The following SBNO2 variants were observed in gnomAD, a reference collection of about 807,000 sequenced individuals.
SBNO2 encodes protein strawberry notch homolog 2.
Under a neutral mutation model 146.3 loss-of-function variants are expected in SBNO2, and 89 were observed. The observed-to-expected ratio is 0.61, with a 90% CI of 0.51 to 0.73. SBNO2 has a LOEUF of 0.73. Among genes scored for constraint, SBNO2 ranks in the 30% least tolerant of loss-of-function variants. SBNO2 has a pLI of 0.00. For synonymous variants in SBNO2, 1,147 were observed against 892.6 expected (o/e 1.29, Z -5.08); for missense variants, 2,092 against 2,003.7 (o/e 1.04, Z -0.84).
intron 3 of SBNO2, among the ~76,000 whole-genome samples, chr19:1,149,111 C>A (rs2080219396): frequency 1.4e-5 from 2 of 138,136 alleles, no homozygotes; most frequent in Admixed American, 1.5e-4. Context: ...GGCCCATAGC[C>A]CACACCTCCC....
chr19:1,109,636 G>T lies in SBNO2; in HGVS notation c.3124-38C>A. 5 of 1,572,338 alleles carry T rather than the reference G, an allele frequency of 3.2e-6. No homozygotes were observed. Among genetic ancestry groups the T allele is most frequent in the Non-Finnish European group, 3.5e-6 (4 of 1,156,352 alleles). The stretch of plus-strand genomic sequence containing the variant: ...GGGGTGGGGGGGTGTGAGTGTGGTG[G>T]GGGCGGGGTGGGCAGAGTGTGAGGG... On this transcript the variant is annotated intron_variant, in intron 27 of 31. Transcript: ENST00000361757. The surrounding 1 kb of genome is among the most constrained non-coding windows in gnomAD (Gnocchi z 4.2).
Position 1,122,723 on chromosome 19 carries a change from GC to G in SBNO2, c.848del (p.Gly283AlafsTer73). 6.5e-7 allele frequency: 1 copy of G among 1,536,862 alleles called. No individual in the cohort carries two copies. On this transcript the variant is annotated frameshift_variant, in exon 9 of 32. Transcript: ENST00000361757. LOFTEE classifies it high-confidence loss of function. The stretch of plus-strand genomic sequence containing the variant: ...TGACTCCGGCCACCGTCCGGCCTTT[GC>G]CCACGCCGGCCCCATCGCCGATGAG... ...GFLIGDGAGV[G>X]KGRTVAGVIL...
intron 16 of SBNO2, 130 bp downstream of exon 16, chr19:1,116,699 G>T (rs1414943253): frequency 1.4e-6 from 1 of 718,340 alleles, no homozygotes; most frequent in Non-Finnish European, 2.2e-6. Flanking sequence ...GAGGCTGGGG[G>T]CCCAGCAAAG....
intron 13 of SBNO2, among the ~76,000 whole-genome samples, 173 bp downstream of exon 13, chr19:1,119,343 G>A (rs150323991): frequency 0.012 from 1,857 of 152,316 alleles, 16 homozygotes; most frequent in Middle Eastern, 0.024. Flanking sequence ...CTGCGGAGGG[G>A]CTGGCTTCCC....
At chr19:1,146,791 G>C (rs1244395882) in intron 4 of SBNO2, among the ~76,000 whole-genome samples, 1 of 136,226 alleles carries the variant, frequency 7.3e-6, no homozygotes, top group Non-Finnish European at 1.6e-5. Flanking sequence ...GCCTGATGCC[G>C]AAGGGGGAGG....
At position 1,112,481 on chromosome 19, in the gene SBNO2, G is replaced by A. The variant is rs1172609976; in HGVS notation, c.2436C>T (p.Arg812=). Residue 812 remains arginine, a synonymous_variant, in exon 21 of 32, where the codon CGC becomes CGT. Transcript: ENST00000361757. The surrounding 1 kb of genome is among the most constrained non-coding windows in gnomAD (Gnocchi z 5.9). The part of the protein sequence containing the change: ...SSSGVSLQAD[R]RVQNQRRRVH... ...CGCGGCGCCGCTGGTTCTGGACACG[G>A]CGGTCGGCTTGGAGGGAGACACCCG... 5.0e-6 allele frequency: 8 copies of A among 1,607,198 alleles called. No individual in the cohort carries two copies. The East Asian group carries it at 1.6e-4, about 31-fold the overall frequency.
intron 14 of SBNO2, among the ~76,000 whole-genome samples, chr19:1,118,551 T>G (rs551794441): frequency 6.6e-6 from 1 of 151,542 alleles, no homozygotes; most frequent in Admixed American, 6.6e-5. Context: ...TTTGGTCCCA[T>G]CCCTCGTTAT....
chr19:1,120,352 C>T (rs2079886301), intron 11 of SBNO2, among the ~76,000 whole-genome samples: 2 of 152,158 alleles, frequency 1.3e-5, no homozygotes, highest in Non-Finnish European at 2.9e-5. Context: ...AGGAGGATAC[C>T]TGGAACCTGT....
At chr19:1,116,992 G>A in intron 15 of SBNO2, 66 bp from the exon 16 acceptor site, 1 of 1,433,504 alleles carries the variant, frequency 7.0e-7, no homozygotes, top group Non-Finnish European at 9.5e-7. Context: ...GCCAGAACCT[G>A]CCAGGCCTGG....
chr19:1,165,806 C>CTAGATCT (rs2080411540), intron 1 of SBNO2, among the ~76,000 whole-genome samples: 1 of 142,056 alleles, frequency 7.0e-6, no homozygotes. Flanking sequence ...ACCCCAGATC[C>CTAGATCT]CAGACCCCAG....
intron 4 of SBNO2, among the ~76,000 whole-genome samples, chr19:1,133,895 C>T (rs993235273): frequency 6.6e-5 from 10 of 152,350 alleles, no homozygotes; most frequent in Non-Finnish European, 1.3e-4. Context: ...GGGAACCATC[C>T]TGCAGCTCCT....
At chr19:1,139,141 C>T (rs993843091) in intron 4 of SBNO2, among the ~76,000 whole-genome samples, 1 of 152,246 alleles carries the variant, frequency 6.6e-6, no homozygotes, top group East Asian at 1.9e-4. Context: ...CTTCATGTGC[C>T]GGAACACGGC....
intron 1 of SBNO2, among the ~76,000 whole-genome samples, chr19:1,160,731 T>C (rs1336016368): frequency 6.6e-6 from 1 of 152,156 alleles, no homozygotes; most frequent in Non-Finnish European, 1.5e-5. Context: ...GGTTTCACCA[T>C]GTTGCCCAGG....
Position 1,144,003 on chromosome 19 carries a change from AGGCTTCCGT to A in SBNO2, c.279+3297_279+3305del, listed in dbSNP as rs1387539325. On this transcript the variant is annotated intron_variant, in intron 4 of 31. Transcript: ENST00000361757. This position sits in a 1 kb window ranked among gnomAD's most constrained non-coding sequence, Gnocchi z 4.1. ...TTCCTCAGGTCTGAGTCGGGAGCAG[AGGCTTCCGT>A]GGCTGGCTGGGCTGCGCTGGGGGGC... Among the ~76,000 whole-genome samples the A allele has an allele frequency of 2.0e-5, 3 of 152,164 alleles. No individual in the cohort carries two copies. In the East Asian group the frequency reaches 5.8e-4, roughly 29 times the overall value.
intron 17 of SBNO2, among the ~76,000 whole-genome samples, chr19:1,114,906 T>G (rs1018040210): frequency 5.3e-5 from 8 of 152,008 alleles, no homozygotes; most frequent in Non-Finnish European, 7.4e-5. Flanking sequence ...GTGCTGGGAT[T>G]ATAGGCGTGA....
intron 1 of SBNO2, among the ~76,000 whole-genome samples, chr19:1,163,897 G>A (rs1385778226): frequency 6.6e-6 from 1 of 152,186 alleles, no homozygotes; most frequent in Non-Finnish European, 1.5e-5. Flanking sequence ...AGGTGGAAGG[G>A]GCACTGCAGC....
intron 4 of SBNO2, among the ~76,000 whole-genome samples, chr19:1,133,748 C>T (rs992872861): frequency 1.1e-4 from 17 of 151,838 alleles, no homozygotes; most frequent in Non-Finnish European, 2.4e-4. Flanking sequence ...TCACAGCCAC[C>T]GCTCAACCCA....
chr19:1,164,677 G>C (rs1319075074), intron 1 of SBNO2, among the ~76,000 whole-genome samples: 1 of 98,460 alleles, frequency 1.0e-5, no homozygotes, highest in Non-Finnish European at 2.3e-5. Flanking sequence ...AACAGGAGGA[G>C]GAGGAGGAGG....
intron 1 of SBNO2, among the ~76,000 whole-genome samples, chr19:1,164,811 G>A (rs868080835): frequency 0.43 from 24 of 56 alleles, no homozygotes; most frequent in African/African-American, 0.5. Flanking sequence ...AGGAGGAGGA[G>A]GAGCAGGAGG....
Sources: allele counts gnomAD v4.1 joint callset (sites outside exome capture counted in the v4.1 genomes callset), GRCh38; gene constraint gnomAD v4.1.1; non-coding constraint Gnocchi (gnomAD v3.1); transcripts MANE v1.5; gene names NCBI Gene and HGNC (gene_info 2026-07-23, HGNC 2026-07-21).